DBH: variants seen among roughly 807,000 people sequenced by gnomAD.
DBH encodes dopamine beta-hydroxylase.
A neutral mutation model predicts 64.0 loss-of-function variants in DBH; 49 were observed. That is an observed-to-expected ratio of 0.77 (90% CI 0.61 to 0.97). DBH has a LOEUF of 0.97. DBH is among the 50% of genes least tolerant of loss of function. DBH has a pLI of 0.00. For missense variants in DBH, 828 were observed against 826.6 expected (o/e 1.00, Z -0.02); for synonymous variants, 343 against 347.1 (o/e 0.99, Z 0.13).
intron 6 of DBH, among the ~76,000 whole-genome samples, chr9:133,651,294 G>A (rs778511732): frequency 2.0e-5 from 3 of 152,246 alleles, no homozygotes; most frequent in Non-Finnish European, 4.4e-5. Flanking sequence ...GCCACACCCT[G>A]TCCACGGGAG....
chr9:133,653,298 CT>C lies in DBH; in HGVS notation c.1434+300del, dbSNP rs1588353140. 2.6e-5 allele frequency among the ~76,000 whole-genome samples: 4 copies of C among 152,258 alleles called. No homozygotes were observed. In the East Asian group the frequency reaches 7.7e-4, roughly 29 times the overall value. ...GACCCCTGCTCAAGGTTGAGAAGCACTCACACCAAGAAGCTTCTCAGCACCC... is the reference window on the plus strand; with the variant it reads ...GACCCCTGCTCAAGGTTGAGAAGCACCACACCAAGAAGCTTCTCAGCACCC... On this transcript the variant is annotated intron_variant, in intron 9 of 11. Coordinates refer to ENST00000393056, the MANE Select transcript of DBH (RefSeq NM_000787.4).
Position 133,643,658 on chromosome 9 carries a change from C to T in DBH, c.921+69C>T. 2 of 1,563,752 alleles carry T rather than the reference C, an allele frequency of 1.3e-6. No homozygotes were observed. The highest frequency in any genetic ancestry group is 1.7e-6 in the Non-Finnish European group (2 of 1,143,746). ...CCTGGCATCCCCACACCTCTGTTTC[C>T]CCAGCTTCACCGTCTCAGAGGCTTC... On this transcript the variant is annotated intron_variant, in intron 4 of 11. Coordinates refer to ENST00000393056, the MANE Select transcript of DBH (RefSeq NM_000787.4). This position sits in a 1 kb window ranked among gnomAD's most constrained non-coding sequence, Gnocchi z 5.3.
intron 11 of DBH, among the ~76,000 whole-genome samples, chr9:133,657,735 G>A (rs1832353957): frequency 6.6e-6 from 1 of 152,168 alleles, no homozygotes; most frequent in East Asian, 1.9e-4. Flanking sequence ...ACTGGTATTC[G>A]AAGGCATCTA....
At chr9:133,639,735 C>T in intron 1 of DBH, 111 bp from the exon 2 acceptor site, 1 of 1,224,154 alleles carries the variant, frequency 8.2e-7, no homozygotes. Flanking sequence ...GCCCAGCATC[C>T]CCAGATCAGC....
Position 133,647,959 on chromosome 9 carries a change from C to T in DBH, c.1138C>T (p.Arg380Trp), listed in dbSNP as rs373518838. ...VYTPVMAIPP[R>W]ETAFILTGYC... Reference sequence around the variant, plus strand: ...CACGCCAGTGATGGCCATTCCACCACGGGAGACCGCCTTCATCCTCACTGG... The same window carrying T: ...CACGCCAGTGATGGCCATTCCACCATGGGAGACCGCCTTCATCCTCACTGG... The change falls in exon 6 of 12, where the codon CGG becomes TGG. Residue 380 changes from arginine (R) to tryptophan (W), a missense_variant. By Grantham distance (101) the Arg-to-Trp change is moderately radical. Transcript: ENST00000393056. 40 of 1,613,986 alleles carry T rather than the reference C, an allele frequency of 2.5e-5. No homozygotes were observed. Among genetic ancestry groups the T allele is most frequent in the East Asian group, 8.9e-5 (4 of 44,884 alleles).
At chr9:133,647,634 C>T (rs144653396) in intron 5 of DBH, among the ~76,000 whole-genome samples, 3 of 152,276 alleles carry the variant, frequency 2.0e-5, no homozygotes, top group East Asian at 3.9e-4. Context: ...AGCCTGTTTG[C>T]GTTAATTGAT....
rs1052535797 is a variant in DBH at position 133,640,097 on chromosome 9, C to T, written c.486+105C>T. 8 of 1,463,952 alleles carry T rather than the reference C, an allele frequency of 5.5e-6. No individual in the cohort carries two copies. In the African/African-American group the frequency reaches 1.1e-4, roughly 20 times the overall value. The allele number at this position is 1,463,952 out of a possible 1,614,324, so 90.7% of individuals were successfully genotyped here. On this transcript the variant is annotated intron_variant, in intron 2 of 11. Transcript: ENST00000393056. ...TTTCCTGTCCCTGATAAGTCTGGGG[C>T]CTGGGCCTGGCCAGCTATGACAGAG...
chr9:133,636,687 G>A lies in DBH; in HGVS notation c.316G>A (p.Asp106Asn), dbSNP rs148244950. The A allele has an allele frequency of 1.7e-5, 28 of 1,604,724 alleles. No homozygotes were observed. Among genetic ancestry groups the A allele is most frequent in the Middle Eastern group, 3.3e-4 (2 of 6,082 alleles). The change falls in exon 1 of 12, where the codon GAT becomes AAT. Residue 106 changes from aspartate (D) to asparagine (N), a missense_variant. Coordinates refer to ENST00000393056, the MANE Select transcript of DBH (RefSeq NM_000787.4). ...CGCAGATCTCGTGGTGCTCTGGACC[G>A]ATGGGGACACTGCCTATTTTGCGGT... is the stretch of plus-strand genomic sequence containing the variant. ...ENADLVVLWT[D>N]GDTAYFADAW... is the part of the protein sequence containing the mutation.
At chr9:133,648,910 G>A (rs1447350587) in intron 6 of DBH, among the ~76,000 whole-genome samples, 1 of 152,214 alleles carries the variant, frequency 6.6e-6, no homozygotes, top group Non-Finnish European at 1.5e-5. Flanking sequence ...ATTTTCTCAT[G>A]TAGATTTCTA....
intron 11 of DBH, 36 bp from the exon 12 acceptor site, chr9:133,658,280 C>T: frequency 1.9e-6 from 3 of 1,612,828 alleles, no homozygotes; most frequent in Non-Finnish European, 2.5e-6. Flanking sequence ...TCTTGCCCCT[C>T]CAGCCTCAGT....
At chr9:133,650,355 C>G (rs1005443865) in intron 6 of DBH, among the ~76,000 whole-genome samples, 18 of 152,126 alleles carry the variant, frequency 1.2e-4, no homozygotes, top group Admixed American at 7.2e-4. Context: ...CTGGGCAGAG[C>G]CTGGCAGCGG....
intron 6 of DBH, among the ~76,000 whole-genome samples, chr9:133,648,266 C>A (rs201338628): frequency 6.6e-6 from 1 of 152,240 alleles, no homozygotes; most frequent in South Asian, 2.1e-4. Flanking sequence ...CAGGCTTCCA[C>A]GAGCTGCATT....
chr9:133,642,577 T>TA, intron 3 of DBH, 113 bp downstream of exon 3: 1 of 1,343,430 alleles, frequency 7.4e-7, no homozygotes, highest in Admixed American at 2.0e-5. Context: ...AGGTGTCCTC[T>TA]TATCACTGGA....
chr9:133,636,363 A>AC lies in DBH; in HGVS notation c.-5dup. On this transcript the variant is annotated 5_prime_UTR_variant, in exon 1 of 12. Transcript: ENST00000393056. ...ATGGCCAGGTGGGACCAGAGAGCTC[A>AC]CCCCAGCCATGCCCGCCCTCAGTCG... The AC allele has an allele frequency of 6.2e-7, 1 of 1,605,740 alleles. No homozygotes were observed. Among genetic ancestry groups the AC allele is most frequent in the Non-Finnish European group, 8.5e-7 (1 of 1,179,650 alleles).
rs76566550 is a variant in DBH at position 133,637,205 on chromosome 9, C to T, written c.339+495C>T. Among the ~76,000 whole-genome samples, 76 of 152,336 alleles carry T rather than the reference C, an allele frequency of 5.0e-4. No individual in the cohort carries two copies. The East Asian group carries it at 0.013, about 26-fold the overall frequency. On this transcript the variant is annotated intron_variant, in intron 1 of 11. Transcript: ENST00000393056. ...ACCTACTGTGCTTGTACCCGTGGAC[C>T]AACTGAGCAGGTGCAGACACCCTGC...
intron 2 of DBH, among the ~76,000 whole-genome samples, chr9:133,641,059 C>T (rs374281965): frequency 1.1e-4 from 17 of 151,936 alleles, no homozygotes; most frequent in Middle Eastern, 3.4e-3. Context: ...GGGCTTGGGA[C>T]GGGTTGGAGG....
At chr9:133,637,772 G>GCCTC (rs1435321071) in intron 1 of DBH, among the ~76,000 whole-genome samples, 44 of 152,336 alleles carry the variant, frequency 2.9e-4, no homozygotes, top group African/African-American at 1.0e-3. Flanking sequence ...CCAAGACTCG[G>GCCTC]CCAGGAGGCA....
At chr9:133,640,743 C>T (rs554403910) in intron 2 of DBH, among the ~76,000 whole-genome samples, 2 of 152,178 alleles carry the variant, frequency 1.3e-5, no homozygotes, top group African/African-American at 2.4e-5. Flanking sequence ...CCAGTGCCAT[C>T]GAAAGATTGA....
intron 5 of DBH, 132 bp from the exon 6 acceptor site, chr9:133,647,712 TGG>T: frequency 9.6e-7 from 1 of 1,046,100 alleles, no homozygotes; most frequent in Non-Finnish European, 1.4e-6. Flanking sequence ...GCCTAGCAGG[TGG>T]GAGCAGATGG....
Sources: allele counts gnomAD v4.1 joint callset (sites outside exome capture counted in the v4.1 genomes callset), GRCh38; gene constraint gnomAD v4.1.1; non-coding constraint Gnocchi (gnomAD v3.1); transcripts MANE v1.5; gene names NCBI Gene and HGNC (gene_info 2026-07-23, HGNC 2026-07-21).